Variants in FBXW5 observed in about 807,000 individuals in gnomAD.
The protein encoded by FBXW5 is F-box and WD repeat domain containing 5.
In FBXW5, 74 loss-of-function variants were observed where a neutral mutation model predicts 50.9. That is an observed-to-expected ratio of 1.45 (90% CI 1.20 to 1.76). The LOEUF is 1.76. FBXW5 is among the 40% of genes most tolerant of loss of function. The pLI is 0.00. For missense variants in FBXW5, 1,073 were observed against 818.8 expected, an observed-to-expected ratio of 1.31 and a Z score of -3.79; for synonymous variants, 523 against 362.2, an observed-to-expected ratio of 1.44 and a Z score of -5.04.
Position 136,942,841 on chromosome 9 carries a change from G to A in FBXW5, c.454C>T (p.Leu152=), listed in dbSNP as rs763943676. 6.2e-7 allele frequency: 1 copy of A among 1,613,410 alleles called. No homozygotes were observed. Among genetic ancestry groups the A allele is most frequent in the African/African-American group, 1.3e-5 (1 of 74,942 alleles). Residue 152 remains leucine, a synonymous_variant, in exon 4 of 9, where the codon CTA becomes TTA. Coordinates refer to ENST00000325285, the MANE Select transcript of FBXW5 (RefSeq NM_018998.4). ...QFSQFNKDDS[L]LLASGVFLGP... is the part of the protein sequence containing the mutation. ...AGGAACACCCCCGAGGCCAGCAGTA[G>A]CGAGTCGTCCTTGTTGAACTGGGAG... is the stretch of plus-strand genomic sequence containing the variant.
In FBXW5 at chr9:136,940,756, AGCATCACAGCT is replaced by A; in HGVS notation, c.*161_*171del. ...CATCTGCACTGGCCACCCCGTGCCA[AGCATCACAGCT>A]GCGTGAGCAGGTTTGTGTGTGAGCG... On this transcript the variant is annotated 3_prime_UTR_variant, in exon 9 of 9. Transcript: ENST00000325285. 2 of 1,123,508 alleles carry A rather than the reference AGCATCACAGCT, an allele frequency of 1.8e-6. No homozygotes were observed. The highest frequency in any genetic ancestry group is 2.5e-6 in the Non-Finnish European group (2 of 813,308). 69.6% of individuals were successfully genotyped at this position (1,123,508 alleles called of 1,614,324 possible). A position where few individuals can be genotyped will look rare whatever the true frequency, so the allele number is the denominator to read the frequency against.
At chr9:136,942,991 C>G (rs774188507) in intron 3 of FBXW5, 48 bp from the exon 4 acceptor site, 1 of 1,608,844 alleles carries the variant, frequency 6.2e-7, no homozygotes, top group Non-Finnish European at 8.5e-7. Flanking sequence ...GGTCGCGGGG[C>G]GGGGGCCTGC....
rs199687053 is a variant in FBXW5, at chr9:136,942,310, G to A, written c.832C>T (p.Arg278Cys). The A allele has an allele frequency of 4.4e-4, 708 of 1,596,908 alleles. 1 individual carries two copies. Among genetic ancestry groups the A allele is most frequent in the Non-Finnish European group, 5.5e-4 (646 of 1,172,896 alleles). ...TTGTCGCTGCCCAGGTCAAAGATGC[G>A]GCAGGGGGACGTGGCCGGGTCACCG... is the stretch of plus-strand genomic sequence containing the variant. ...EAGDPATSPC[R>C]IFDLGSDNEE... Residue 278 changes from arginine to cysteine, a missense_variant, in exon 6 of 9, where the codon CGC (arginine) becomes TGC (cysteine). Arg to Cys is a radical substitution (Grantham distance 180). Transcript: ENST00000325285.
Position 136,943,906 on chromosome 9 carries a change from C to T in FBXW5, c.178G>A (p.Val60Met), listed in dbSNP as rs752695131. The change falls in exon 2 of 9, where the codon GTG becomes ATG. Residue 60 changes from valine (V) to methionine (M), a missense_variant. Coordinates refer to ENST00000325285, the MANE Select transcript of FBXW5 (RefSeq NM_018998.4). ...FYRYYQVARD[V>M]PRHPAAMSWY... ...CGCCACTGACCTGGGTGTCGGGGCA[C>T]GTCGCGGGCCACCTGGTAGTAGCGG... The T allele has an allele frequency of 1.1e-5, 17 of 1,550,086 alleles. No individual in the cohort carries two copies. In the Middle Eastern group the frequency reaches 6.7e-4, roughly 61 times the overall value.
At position 136,941,353 on chromosome 9, in the gene FBXW5, G is replaced by A. The variant is rs761706594; in HGVS notation, c.1355C>T (p.Thr452Ile). 8 of 1,611,656 alleles carry A rather than the reference G, an allele frequency of 5.0e-6. No homozygotes were observed. In the Admixed American group the frequency reaches 1.2e-4, roughly 23 times the overall value. ...EIDLLVFDLK[T>I]MREVRRALRA... ...CAGAGCCCGCCTCACCTCCCGCATG[G>A]TCTTGAGGTCGAACACCAGCAGGTC... The change falls in exon 8 of 9, where the codon ACC becomes ATC. Residue 452 changes from threonine to isoleucine, a missense_variant. Thr to Ile is a moderately conservative substitution (Grantham distance 89). Transcript: ENST00000325285.
Position 136,942,536 on chromosome 9 carries a change from C to G in FBXW5, c.675+11G>C, listed in dbSNP as rs1433174209. ...CCAGGAGGGCAGCCCCGCCCCTAGC[C>G]CCGCACGCACCTGGAAGGCATTGTT... On this transcript the variant is annotated intron_variant, in intron 5 of 8. Coordinates refer to ENST00000325285, the MANE Select transcript of FBXW5 (RefSeq NM_018998.4). The G allele has an allele frequency of 6.2e-7, 1 of 1,608,494 alleles. No homozygotes were observed. Among genetic ancestry groups the G allele is most frequent in the African/African-American group, 1.3e-5 (1 of 74,786 alleles).
chr9:136,943,134 G>A, intron 3 of FBXW5, 191 bp from the exon 4 acceptor site: 1 of 1,051,932 alleles, frequency 9.5e-7, no homozygotes, highest in Non-Finnish European at 1.4e-6. Flanking sequence ...CCTGAAGCAG[G>A]CGGCTGTGTG....
chr9:136,942,144 T>C lies in FBXW5; in HGVS notation c.998A>G (p.Gln333Arg). ...LETKVAELLA[Q>R]GHTKPPERSA... is the part of the protein sequence containing the mutation. ...GCGCTCGGGTGGCTTGGTGTGGCCC[T>C]GGGCCAGCAGCTCGGCCACCTTGGT... The change falls in exon 6 of 9, where the codon CAG becomes CGG. Residue 333 changes from glutamine to arginine, a missense_variant. Transcript: ENST00000325285. 3.7e-6 allele frequency: 6 copies of C among 1,609,676 alleles called. No individual in the cohort carries two copies. Among genetic ancestry groups the C allele is most frequent in the Admixed American group, 1.7e-5 (1 of 59,406 alleles).
rs760331772 is a variant in FBXW5 at position 136,941,297 on chromosome 9, C to A, written c.1411G>T (p.Glu471Ter). 6.2e-6 allele frequency: 10 copies of A among 1,608,850 alleles called. No homozygotes were observed. Among genetic ancestry groups the A allele is most frequent in the South Asian group, 1.1e-5 (1 of 91,068 alleles). ...RAHRAYTPND[E>*]CFFIFLDVSR... ...ACGTCCAGGAAGATGAAGAAGCACT[C>A]GTCGTTGGGCGTGTAGGCGCGGTGC... is the stretch of plus-strand genomic sequence containing the variant. Residue 471 changes from glutamate to a stop codon, truncating the protein, a stop_gained, in exon 8 of 9, where the codon GAG (glutamate) becomes TAG (stop). Transcript: ENST00000325285. LOFTEE classifies it high-confidence loss of function.
At chr9:136,943,553 T>G (rs754555466) in intron 2 of FBXW5, 47 bp from the exon 3 acceptor site, 30 of 1,570,372 alleles carry the variant, frequency 1.9e-5, no homozygotes, top group Non-Finnish European at 2.5e-5. Flanking sequence ...TTCCTCGCAG[T>G]CACGGCCATG....
chr9:136,944,336 C>T (rs942124732), intron 1 of FBXW5: 13 of 607,128 alleles, frequency 2.1e-5, no homozygotes, highest in Non-Finnish European at 2.7e-5. Context: ...CAGCGGGCGC[C>T]CCTCAGCCCG....
intron 6 of FBXW5, 107 bp downstream of exon 6, chr9:136,941,939 T>A: frequency 6.9e-7 from 1 of 1,452,764 alleles, no homozygotes; most frequent in Non-Finnish European, 9.1e-7. Flanking sequence ...GAGTGAACGA[T>A]CCCAGCTTTG....
chr9:136,944,660 GCCGCTCGGACCGCCGCCC>G lies in FBXW5; in HGVS notation c.-108_-91del. The G allele has an allele frequency of 1.0e-6, 1 of 985,498 alleles. No individual in the cohort carries two copies. The highest frequency in any genetic ancestry group is 1.2e-6 in the Non-Finnish European group (1 of 829,736). The allele number at this position is 985,498 out of a possible 1,614,324, so 61.0% of individuals were successfully genotyped here. A position where few individuals can be genotyped will look rare whatever the true frequency, so the allele number is the denominator to read the frequency against. Reference sequence around the variant, plus strand: ...ACCCGGACCCGCTTCCGCTGCCGCAGCCGCTCGGACCGCCGCCCCCGCCCAACGGGGAGCCCGCCAGGC... The same window carrying G: ...ACCCGGACCCGCTTCCGCTGCCGCAGCCGCCCAACGGGGAGCCCGCCAGGC... On this transcript the variant is annotated 5_prime_UTR_variant, in exon 1 of 9. Transcript: ENST00000325285.
rs1288837818 is a variant in FBXW5 at position 136,943,873 on chromosome 9, G to A, written c.193+18C>T. ...CCCTGGCTGCAGAACGTGGGTAGGG[G>A]CCCCACACGCCACTGACCTGGGTGT... On this transcript the variant is annotated intron_variant, in intron 2 of 8. Transcript: ENST00000325285. 2.6e-6 allele frequency: 4 copies of A among 1,548,196 alleles called. No individual in the cohort carries two copies. Among genetic ancestry groups the A allele is most frequent in the Non-Finnish European group, 3.5e-6 (4 of 1,146,094 alleles).
At chr9:136,942,517 G>C (rs1424326717) in intron 5 of FBXW5, 30 bp downstream of exon 5, 1 of 1,601,670 alleles carries the variant, frequency 6.2e-7, no homozygotes. Flanking sequence ...GGCCCCAGGA[G>C]GGCAGCCCCG....
chr9:136,942,506 A>C, intron 5 of FBXW5, 40 bp from the exon 6 acceptor site: 1 of 1,597,104 alleles, frequency 6.3e-7, no homozygotes, highest in South Asian at 1.1e-5. Context: ...GCCGGGCGCC[A>C]GGCCCCAGGA....
At chr9:136,941,209 G>A (rs750085450) in intron 8 of FBXW5, 38 bp from the exon 9 acceptor site, 34 of 1,598,178 alleles carry the variant, frequency 2.1e-5, no homozygotes, top group Middle Eastern at 3.3e-4. Flanking sequence ...CCGCCCGCCC[G>A]CTGCTGCCCA....
In FBXW5 at chr9:136,941,047, T is replaced by G. The variant is rs1213911160; in HGVS notation, c.1582A>C (p.Thr528Pro). 2 of 1,555,702 alleles carry G rather than the reference T, an allele frequency of 1.3e-6. No homozygotes were observed. The highest frequency in any genetic ancestry group is 2.4e-5 in the East Asian group (1 of 41,352). ...FSPQEQELLL[T>P]ASDDATIKAW... Reference sequence around the variant, plus strand: ...TTGATGGTGGCGTCGTCGCTGGCCGTGAGCAGCAGCTCCTGCTCCTGGGGA... The same window carrying G: ...TTGATGGTGGCGTCGTCGCTGGCCGGGAGCAGCAGCTCCTGCTCCTGGGGA... The change falls in exon 9 of 9, where the codon ACG (threonine) becomes CCG (proline). Residue 528 changes from threonine (T) to proline (P), a missense_variant. Thr to Pro is a conservative substitution (Grantham distance 38). Coordinates refer to ENST00000325285, the MANE Select transcript of FBXW5 (RefSeq NM_018998.4).
chr9:136,943,939 G>C lies in FBXW5; in HGVS notation c.145C>G (p.Gln49Glu), dbSNP rs1476009792. The stretch of plus-strand genomic sequence containing the variant: ...GCCACCTGGTAGTAGCGGTAGAACT[G>C]CTCCCTCCACAGGAACTCGTCCCGC... ...VSRDEFLWRE[Q>E]FYRYYQVARD... is the part of the protein sequence containing the mutation. The change falls in exon 2 of 9, where the codon CAG (glutamine) becomes GAG (glutamate). Residue 49 changes from glutamine (Q) to glutamate (E), a missense_variant. Transcript: ENST00000325285. The C allele has an allele frequency of 6.4e-7, 1 of 1,553,706 alleles. No individual in the cohort carries two copies. The highest frequency in any genetic ancestry group is 1.4e-5 in the African/African-American group (1 of 73,186).
Sources: gnomAD v4.1 joint callset for allele counts on GRCh38, gnomAD v4.1.1 for gene constraint, MANE v1.5 for transcripts, NCBI Gene and HGNC (gene_info 2026-07-23, HGNC 2026-07-21) for gene names.